DLC1: variants seen among roughly 807,000 people sequenced by gnomAD.
DLC1 encodes the protein rho GTPase-activating protein 7.
A neutral mutation model predicts 140.3 loss-of-function variants in DLC1; 54 were observed. That is an observed-to-expected ratio of 0.38 (90% confidence interval 0.31 to 0.48). The LOEUF is 0.48. Among genes scored for constraint, DLC1 ranks in the 20% least tolerant of loss-of-function variants. DLC1 has a pLI of 0.96. For synonymous variants in DLC1, 986 were observed against 728.1 expected, an observed-to-expected ratio of 1.35 and a Z score of -5.70; for missense variants, 2,536 against 1,907.0, an observed-to-expected ratio of 1.33 and a Z score of -6.14.
At chr8:13,345,518 C>T (rs989457590) in intron 4 of DLC1, among the ~76,000 whole-genome samples, 1 of 134,064 alleles carries the variant, frequency 7.5e-6, no homozygotes, top group Non-Finnish European at 1.6e-5. Context: ...TGTGGTTAAT[C>T]GACGATTATC....
chr8:13,464,529 A>G (rs912854026), intron 2 of DLC1, among the ~76,000 whole-genome samples: 6 of 151,898 alleles, frequency 4.0e-5, no homozygotes, highest in Admixed American at 1.3e-4. Context: ...CACGAAACAT[A>G]TGTCCCATAT....
At chr8:13,125,128 G>A (rs980225150) in intron 5 of DLC1, among the ~76,000 whole-genome samples, 14 of 151,850 alleles carry the variant, frequency 9.2e-5, no homozygotes, top group African/African-American at 3.1e-4. Context: ...AGGTGCTCAC[G>A]ACCACACCCG....
chr8:13,267,152 G>A (rs929424625), intron 5 of DLC1, among the ~76,000 whole-genome samples: 1 of 152,278 alleles, frequency 6.6e-6, no homozygotes, highest in African/African-American at 2.4e-5. Flanking sequence ...ACTTGTTTTC[G>A]TCAGTGAAAC....
At chr8:13,536,145 T>C (rs1380490025) in intron 1 of DLC1, 2 of 152,142 alleles carry the variant, frequency 1.3e-5, no homozygotes, top group East Asian at 3.9e-4. Flanking sequence ...CCCCCTTGTA[T>C]ACTGATGACA....
At chr8:13,464,473 C>G (rs1243580337) in intron 2 of DLC1, among the ~76,000 whole-genome samples, 1 of 152,030 alleles carries the variant, frequency 6.6e-6, no homozygotes, top group Non-Finnish European at 1.5e-5. Flanking sequence ...CATTTGTTAT[C>G]ACATTAAATG....
chr8:13,476,580 A>G (rs1800445078), intron 2 of DLC1, among the ~76,000 whole-genome samples: 1 of 152,156 alleles, frequency 6.6e-6, no homozygotes, highest in East Asian at 1.9e-4. Context: ...TGGAAACAAC[A>G]GACTCAGACC....
chr8:13,327,689 C>G (rs1165886957), intron 4 of DLC1, among the ~76,000 whole-genome samples: 3 of 152,124 alleles, frequency 2.0e-5, no homozygotes. Flanking sequence ...TGTACTGAGC[C>G]TCTACTCTGT....
intron 2 of DLC1, among the ~76,000 whole-genome samples, chr8:13,493,229 A>T (rs1418915274): frequency 6.6e-6 from 1 of 152,152 alleles, no homozygotes; most frequent in African/African-American, 2.4e-5. Context: ...TTATCTGCAG[A>T]GCTATATATA....
intron 2 of DLC1, among the ~76,000 whole-genome samples, chr8:13,467,444 C>G (rs1799989476): frequency 9.1e-6 from 1 of 109,774 alleles, no homozygotes; most frequent in Admixed American, 1.1e-4. Flanking sequence ...CTAGTCTCTT[C>G]TTATATTCCT....
chr8:13,503,402 A>C (rs1417746534), intron 1 of DLC1, among the ~76,000 whole-genome samples: 2 of 152,162 alleles, frequency 1.3e-5, no homozygotes, highest in African/African-American at 4.8e-5. Context: ...AAAAAAAATA[A>C]TAATAAATTA....
intron 2 of DLC1, among the ~76,000 whole-genome samples, chr8:13,404,015 G>A (rs1441892404): frequency 6.6e-6 from 1 of 151,888 alleles, no homozygotes; most frequent in African/African-American, 2.4e-5. Flanking sequence ...CATGACTAAT[G>A]CATGCTCTTT....
intron 5 of DLC1, among the ~76,000 whole-genome samples, chr8:13,234,600 G>C (rs1375302484): frequency 6.6e-6 from 1 of 151,902 alleles, no homozygotes; most frequent in African/African-American, 2.4e-5. Flanking sequence ...AATCTAGCCA[G>C]GGCAACATCT....
rs145110699 is a variant in DLC1 at position 13,397,281 on chromosome 8, T to C, written c.1174-3588A>G. ...TATTCAAAGCCAGATAAAGGGAGAATTGAGTCTAGAATCTAGATATAAGAT... is the reference window on the plus strand; with the variant it reads ...TATTCAAAGCCAGATAAAGGGAGAACTGAGTCTAGAATCTAGATATAAGAT... On this transcript the variant is annotated intron_variant, in intron 3 of 17. Transcript: ENST00000276297. Among the ~76,000 whole-genome samples the C allele has an allele frequency of 2.9e-3, 438 of 152,082 alleles. 3 individuals carry two copies. Among genetic ancestry groups the C allele is most frequent in the South Asian group, 9.4e-3 (45 of 4,808 alleles).
intron 6 of DLC1, among the ~76,000 whole-genome samples, chr8:13,112,113 T>C (rs1030084657): frequency 5.3e-5 from 8 of 152,056 alleles, no homozygotes; most frequent in Non-Finnish European, 1.2e-4. Context: ...ATTATACCAT[T>C]GCACTTCAGC....
intron 7 of DLC1, among the ~76,000 whole-genome samples, chr8:13,108,325 C>T (rs189728242): frequency 1.1e-4 from 16 of 152,256 alleles, no homozygotes; most frequent in Middle Eastern, 3.4e-3. Flanking sequence ...ATTTTTAAAG[C>T]GCTCTGACAT....
intron 1 of DLC1, among the ~76,000 whole-genome samples, chr8:13,545,908 A>G (rs1343757065): frequency 1.3e-5 from 2 of 152,144 alleles, no homozygotes; most frequent in Non-Finnish European, 2.9e-5. Context: ...CACGTTAAAA[A>G]TTAACTATTT....
chr8:13,271,402 C>A (rs1586046555), intron 5 of DLC1, among the ~76,000 whole-genome samples: 1 of 152,306 alleles, frequency 6.6e-6, no homozygotes, highest in East Asian at 1.9e-4. Flanking sequence ...ATTCCCAATG[C>A]CCCACTGAAG....
chr8:13,307,165 C>G (rs74596730), intron 4 of DLC1, among the ~76,000 whole-genome samples: 1,483 of 148,094 alleles, frequency 0.01, 21 homozygotes, highest in African/African-American at 0.034. Flanking sequence ...CATATTTTGA[C>G]TCAATCTCAA....
intron 1 of DLC1, among the ~76,000 whole-genome samples, chr8:13,561,513 T>A (rs1454974071): frequency 1.3e-5 from 2 of 152,192 alleles, no homozygotes; most frequent in Admixed American, 1.3e-4. Context: ...ATTTTTTTAA[T>A]GCAAAACTGG....
Sources: allele counts gnomAD v4.1 joint callset (sites outside exome capture counted in the v4.1 genomes callset), GRCh38; gene constraint gnomAD v4.1.1; transcripts MANE v1.5; gene names NCBI Gene and HGNC (gene_info 2026-07-23, HGNC 2026-07-21).